Variants in UBE2Z observed in about 807,000 individuals in gnomAD.
The protein encoded by UBE2Z is ubiquitin-conjugating enzyme E2 Z.
UBE2Z carries 10 observed loss-of-function variants against 32.6 expected under a neutral mutation model. That is an observed-to-expected ratio of 0.31 (90% CI 0.19 to 0.52). The LOEUF (loss-of-function observed/expected upper bound fraction) is 0.52. Ranked by LOEUF, UBE2Z falls within the 20% of genes least tolerant of loss-of-function variation. UBE2Z has a pLI of 0.97. For missense variants in UBE2Z, 343 were observed against 480.9 expected, an observed-to-expected ratio of 0.71 and a Z score of 2.68; for synonymous variants, 183 against 190.8, an observed-to-expected ratio of 0.96 and a Z score of 0.34.
intron 5 of UBE2Z, among the ~76,000 whole-genome samples, chr17:48,922,643 T>C (rs1447854226): frequency 6.6e-6 from 1 of 151,958 alleles, no homozygotes; most frequent in South Asian, 2.1e-4. Flanking sequence ...GGCATATGCC[T>C]GTAATCCCAG....
At position 48,927,049 on chromosome 17, in the gene UBE2Z, G is replaced by T; in HGVS notation, c.980G>T (p.Arg327Met). ...LGLIRQKVLE[R>M]LHNENAEMDS... The stretch of plus-strand genomic sequence containing the variant: ...CTGATACGTCAGAAAGTGCTGGAGA[G>T]GCTCCATAATGAGAATGCAGAAATG... Residue 327 changes from arginine (R) to methionine (M), a missense_variant, in exon 7 of 7, where the codon AGG becomes ATG. By Grantham distance (91) the Arg-to-Met change is moderately conservative. Coordinates refer to ENST00000360943, the MANE Select transcript of UBE2Z (RefSeq NM_023079.5). The T allele has an allele frequency of 6.2e-7, 1 of 1,613,900 alleles. No individual in the cohort carries two copies. Among genetic ancestry groups the T allele is most frequent in the Non-Finnish European group, 8.5e-7 (1 of 1,179,852 alleles).
chr17:48,912,548 G>T (rs2040687923), intron 2 of UBE2Z: 1 of 384,512 alleles, frequency 2.6e-6, no homozygotes, highest in Non-Finnish European at 4.8e-6. Flanking sequence ...AGTTTTAGGG[G>T]ATACTCAAGA....
At chr17:48,924,795 G>T (rs764456080) in intron 6 of UBE2Z, among the ~76,000 whole-genome samples, 21 of 136,420 alleles carry the variant, frequency 1.5e-4, no homozygotes, top group Admixed American at 3.3e-4. Context: ...GCAGTAAACT[G>T]AGATTGCACT....
chr17:48,916,468 G>A (rs1429455718), intron 4 of UBE2Z, among the ~76,000 whole-genome samples: 1 of 151,542 alleles, frequency 6.6e-6, no homozygotes. Context: ...GGCCAGGCTG[G>A]TCTCCAGCTC....
At position 48,922,639 on chromosome 17, in the gene UBE2Z, T is replaced by C. The variant is rs9916585; in HGVS notation, c.804-208T>C. Among the ~76,000 whole-genome samples the C allele has an allele frequency of 6.3e-3, 951 of 150,524 alleles. 15 individuals carry two copies. Among genetic ancestry groups the C allele is most frequent in the African/African-American group, 0.022 (921 of 40,986 alleles). On this transcript the variant is annotated intron_variant, in intron 5 of 6. Transcript: ENST00000360943. ...AAAATTAGCCAGGCGTGGTGGCATA[T>C]GCCTGTAATCCCAGCTTCTCAGGAG...
intron 6 of UBE2Z, among the ~76,000 whole-genome samples, chr17:48,923,263 G>T (rs1381581764): frequency 2.0e-5 from 3 of 147,052 alleles, no homozygotes; most frequent in Non-Finnish European, 4.4e-5. Flanking sequence ...AGAAGTTGCA[G>T]TGAGCTGAAA....
chr17:48,913,078 C>T (rs1423739984), intron 3 of UBE2Z, 57 bp downstream of exon 3: 3 of 1,545,310 alleles, frequency 1.9e-6, no homozygotes, highest in Non-Finnish European at 2.7e-6. Flanking sequence ...TACTCTAGGT[C>T]AGCCTTTATC....
chr17:48,910,662 A>G (rs2040669801), intron 1 of UBE2Z, 146 bp from the exon 2 acceptor site: 3 of 666,084 alleles, frequency 4.5e-6, no homozygotes, highest in Non-Finnish European at 8.2e-6. Context: ...TTCTCAGCCA[A>G]CAAGACAGTA....
At position 48,916,115 on chromosome 17, in the gene UBE2Z, C is replaced by T; in HGVS notation, c.618C>T (p.Ile206=). ...TGPAWSPAQS[I]SSVLISIQSL... ...CTGCCTGGAGCCCAGCCCAGAGCAT[C>T]TCCTCAGTGCTCATCTCTATCCAGT... is the stretch of plus-strand genomic sequence containing the variant. Residue 206 remains isoleucine (I), a synonymous_variant, in exon 4 of 7, where the codon ATC becomes ATT. Transcript: ENST00000360943. The T allele has an allele frequency of 7.6e-6, 12 of 1,588,874 alleles. No individual in the cohort carries two copies. Among genetic ancestry groups the T allele is most frequent in the Non-Finnish European group, 1.0e-5 (12 of 1,170,288 alleles).
intron 6 of UBE2Z, among the ~76,000 whole-genome samples, chr17:48,925,123 A>G (rs2040788922): frequency 6.6e-6 from 1 of 151,968 alleles, no homozygotes; most frequent in Admixed American, 6.6e-5. Context: ...CCTCTACTAA[A>G]AATACAAAAA....
chr17:48,924,885 C>G (rs1006348141), intron 6 of UBE2Z, among the ~76,000 whole-genome samples: 1 of 144,962 alleles, frequency 6.9e-6, no homozygotes, highest in African/African-American at 2.5e-5. Context: ...TATAGATAGA[C>G]TAATGTAAAC....
At chr17:48,910,650 ATT>A in intron 1 of UBE2Z, 156 bp from the exon 2 acceptor site, 1 of 598,398 alleles carries the variant, frequency 1.7e-6, no homozygotes. Context: ...CTCAGCTGAG[ATT>A]TCTCAGCCAA....
chr17:48,913,140 C>T, intron 3 of UBE2Z, 119 bp downstream of exon 3: 2 of 980,030 alleles, frequency 2.0e-6, no homozygotes, highest in Non-Finnish European at 1.5e-6. Flanking sequence ...TTGAGTGACT[C>T]TTCTCAAATC....
Position 48,928,322 on chromosome 17 carries a change from T to C in UBE2Z, c.*1188T>C, listed in dbSNP as rs183523260. 5 of 152,614 alleles carry C rather than the reference T, an allele frequency of 3.3e-5. No individual in the cohort carries two copies. Among genetic ancestry groups the C allele is most frequent in the Admixed American group, 3.3e-4 (5 of 15,284 alleles). The allele number at this position is 152,614 out of a possible 1,614,324, so 9.5% of individuals were successfully genotyped here. ...TATCTGTATTTAGCTGCAGTGATCC[T>C]TTAGCTGGTTGGCTCAGAAAAAAAA... is the stretch of plus-strand genomic sequence containing the variant. On this transcript the variant is annotated 3_prime_UTR_variant, in exon 7 of 7. Transcript: ENST00000360943.
chr17:48,914,132 A>G (rs1456189282), intron 3 of UBE2Z, among the ~76,000 whole-genome samples: 1 of 152,110 alleles, frequency 6.6e-6, no homozygotes, highest in East Asian at 1.9e-4. Flanking sequence ...GATGCTTCTG[A>G]GGTTTTGCTT....
chr17:48,921,256 T>C lies in UBE2Z; in HGVS notation c.787T>C (p.Cys263Arg). The C allele has an allele frequency of 1.2e-6, 2 of 1,611,946 alleles. No homozygotes were observed. Among genetic ancestry groups the C allele is most frequent in the African/African-American group, 1.3e-5 (1 of 75,030 alleles). ...TGACATGATGGAAGGAAAGTGTCCC[T>C]GTCCTGAACCCCTACGGTATGTGTC... ...VCDMMEGKCP[C>R]PEPLRGVMEK... The change falls in exon 5 of 7, where the codon TGT (cysteine) becomes CGT (arginine). Residue 263 changes from cysteine (C) to arginine (R), a missense_variant. This residue lies in a region of UBE2Z where 182 missense variants were observed against 312.4 expected (regional missense o/e 0.58). Coordinates refer to ENST00000360943, the MANE Select transcript of UBE2Z (RefSeq NM_023079.5).
intron 6 of UBE2Z, 119 bp downstream of exon 6, chr17:48,923,056 T>TG: frequency 1.1e-6 from 1 of 909,478 alleles, no homozygotes; most frequent in Non-Finnish European, 1.6e-6. Context: ...GTTCAGTGGC[T>TG]CATGCCTGTA....
chr17:48,920,012 C>T (rs1025695439), intron 4 of UBE2Z, among the ~76,000 whole-genome samples: 2 of 151,682 alleles, frequency 1.3e-5, no homozygotes, highest in African/African-American at 4.8e-5. Context: ...GAGACCTTGT[C>T]TCTACCGAAA....
chr17:48,926,789 A>T (rs895024487), intron 6 of UBE2Z, among the ~76,000 whole-genome samples, 175 bp from the exon 7 acceptor site: 56 of 152,146 alleles, frequency 3.7e-4, no homozygotes, highest in Admixed American at 1.1e-3. Flanking sequence ...CCCAGGTGTC[A>T]TATTTTTAAG....
Sources: gnomAD v4.1 joint callset for allele counts (sites outside exome capture counted in the v4.1 genomes callset) on GRCh38, gnomAD v4.1.1 for gene constraint, gnomAD v4.1.1 regional missense constraint, MANE v1.5 for transcripts, NCBI Gene and HGNC (gene_info 2026-07-23, HGNC 2026-07-21) for gene names.